The following PCYT1A variants were observed in gnomAD, a reference collection of about 807,000 sequenced individuals.
PCYT1A encodes choline-phosphate cytidylyltransferase A.
A neutral mutation model predicts 43.7 loss-of-function variants in PCYT1A; 25 were observed. The ratio of observed to expected loss-of-function variants is 0.57; its 90% CI spans 0.42 to 0.80. The LOEUF (loss-of-function observed/expected upper bound fraction) is 0.80, where lower values mean the gene tolerates loss of function less well. PCYT1A is among the 30% of genes least tolerant of loss of function. PCYT1A has a pLI of 0.00. For missense variants in PCYT1A, 421 were observed against 474.2 expected (o/e 0.89, Z 1.04); for synonymous variants, 172 against 170.7 (o/e 1.01, Z -0.06).
rs1724293902 is a variant in PCYT1A, at chr3:196,239,693, T to C, written c.751A>G (p.Lys251Glu). 1 of 1,612,244 alleles carries C rather than the reference T, an allele frequency of 6.2e-7. No individual in the cohort carries two copies. Among genetic ancestry groups the C allele is most frequent in the Non-Finnish European group, 8.5e-7 (1 of 1,178,364 alleles). ...HLQERVDKVK[K>E]KVKDVEEKSK... The stretch of plus-strand genomic sequence containing the variant: ...TTTTCCTCCACATCTTTCACTTTCT[T>C]CTTTACTTTGTCAACCCTCTCCTGC... Residue 251 changes from lysine to glutamate, a missense_variant, in exon 8 of 9, where the codon AAG (lysine) becomes GAG (glutamate). Lys to Glu is a moderately conservative substitution (Grantham distance 56, BLOSUM62 1). Transcript: ENST00000431016.
chr3:196,268,874 TG>T lies in PCYT1A; in HGVS notation c.117+1540del, dbSNP rs1378665209. ...ATGATTAAATAAAGGAAGATTATTC[TG>T]GTTTATCTGGGTATACCGAACGTAA... On this transcript the variant is annotated intron_variant, in intron 2 of 8. Transcript: ENST00000431016. This position sits in a 1 kb window ranked among gnomAD's most constrained non-coding sequence, Gnocchi z 4.4. 2.0e-5 allele frequency among the ~76,000 whole-genome samples: 3 copies of T among 152,226 alleles called. No homozygotes were observed. The highest frequency in any genetic ancestry group is 4.4e-5 in the Non-Finnish European group (3 of 68,036).
rs1560167248 is a variant in PCYT1A at position 196,252,073 on chromosome 3, T to TGAGTACAGCGCACCCCGCCACGCCCCGCA, written c.218-3751_218-3750insTGCGGGGCGTGGCGGGGTGCGCTGTACTC. ...TACAGCGCACACCACCACGCCCCGC[T>TGAGTACAGCGCACCCCGCCACGCCCCGCA]GACTACAGCGCACCCCGCCACGCCC... On this transcript the variant is annotated intron_variant, in intron 3 of 8. Coordinates refer to ENST00000431016, the MANE Select transcript of PCYT1A (RefSeq NM_001312673.2). The surrounding 1 kb of genome is among the most constrained non-coding windows in gnomAD (Gnocchi z 4.0). Among the ~76,000 whole-genome samples the TGAGTACAGCGCACCCCGCCACGCCCCGCA allele has an allele frequency of 6.7e-6, 1 of 149,308 alleles. No homozygotes were observed. The highest frequency in any genetic ancestry group is 2.2e-4 in the East Asian group (1 of 4,572).
Position 196,238,832 on chromosome 3 carries a change from G to A in PCYT1A, c.960C>T (p.Pro320=), listed in dbSNP as rs755592504. ...MLQAISPKQS[P]SSSPTRERSP... ...AGCGCTCGCGAGTAGGGCTGCTGCT[G>A]GGGCTCTGCTTCGGGCTGATGGCCT... Residue 320 remains proline, a synonymous_variant, in exon 9 of 9, where the codon CCC becomes CCT. Coordinates refer to ENST00000431016, the MANE Select transcript of PCYT1A (RefSeq NM_001312673.2). The A allele has an allele frequency of 9.6e-6, 15 of 1,565,518 alleles. No individual in the cohort carries two copies. The highest frequency in any genetic ancestry group is 2.8e-5 in the African/African-American group (2 of 72,506).
In PCYT1A at chr3:196,273,057, C is replaced by G. The variant is rs1725484224; in HGVS notation, c.-10-2516G>C. On this transcript the variant is annotated intron_variant, in intron 1 of 8. Coordinates refer to ENST00000431016, the MANE Select transcript of PCYT1A (RefSeq NM_001312673.2). This position sits in a 1 kb window ranked among gnomAD's most constrained non-coding sequence, Gnocchi z 4.1. ...ACAGGGTCCGGCCACTGCGCACAGC[C>G]AGGCACGCCAGCTGCCAGGGGGTGA... Among the ~76,000 whole-genome samples, 1 of 152,240 alleles carries G rather than the reference C, an allele frequency of 6.6e-6. No individual in the cohort carries two copies. The highest frequency in any genetic ancestry group is 1.5e-5 in the Non-Finnish European group (1 of 68,046).
At chr3:196,272,188 C>T (rs1449674310) in intron 1 of PCYT1A, among the ~76,000 whole-genome samples, 4 of 110,106 alleles carry the variant, frequency 3.6e-5, no homozygotes, top group African/African-American at 7.4e-5. Context: ...TCCTTCTTTC[C>T]TTTTTTTTTT....
intron 1 of PCYT1A, among the ~76,000 whole-genome samples, chr3:196,278,057 C>T (rs1035472955): frequency 6.6e-6 from 1 of 152,180 alleles, no homozygotes; most frequent in Non-Finnish European, 1.5e-5. Context: ...CAGTCTCCCT[C>T]ATGTTCCAAT....
At position 196,247,481 on chromosome 3, in the gene PCYT1A, G is replaced by A; in HGVS notation, c.372C>T (p.Phe124=). The A allele has an allele frequency of 6.2e-7, 1 of 1,614,124 alleles. No homozygotes were observed. The highest frequency in any genetic ancestry group is 8.5e-7 in the Non-Finnish European group (1 of 1,179,984). Residue 124 remains phenylalanine, a synonymous_variant, in exon 5 of 9, where the codon TTC becomes TTT. Coordinates refer to ENST00000431016, the MANE Select transcript of PCYT1A (RefSeq NM_001312673.2). This position sits in a 1 kb window ranked among gnomAD's most constrained non-coding sequence, Gnocchi z 4.8. ...AGCGCTCATTCTCGTTCATCACCGT[G>A]AAGCCTTTGAAGTTGTGTGTGAGCT... ...SDELTHNFKG[F]TVMNENERYD... is the part of the protein sequence containing the mutation.
chr3:196,241,664 A>C lies in PCYT1A; in HGVS notation c.708+284T>G, dbSNP rs1278699897. On this transcript the variant is annotated intron_variant, in intron 7 of 8. Transcript: ENST00000431016. ...AACCGAAGAAGAGAGAGGAAGTTTAAGAGACACCGTTTTCCATTTATTGAC... is the reference window on the plus strand; with the variant it reads ...AACCGAAGAAGAGAGAGGAAGTTTACGAGACACCGTTTTCCATTTATTGAC... The C allele has an allele frequency of 5.1e-6, 7 of 1,379,088 alleles. No homozygotes were observed. In the East Asian group the frequency reaches 2.3e-4, roughly 45 times the overall value. 85.4% of individuals were successfully genotyped at this position (1,379,088 alleles called of 1,614,324 possible).
At chr3:196,251,151 T>C (rs931058339) in intron 3 of PCYT1A, among the ~76,000 whole-genome samples, 1 of 149,390 alleles carries the variant, frequency 6.7e-6, no homozygotes, top group South Asian at 2.2e-4. Flanking sequence ...AGATACACCA[T>C]GCTGAGGCTG....
chr3:196,281,802 A>G (rs1424013836), intron 1 of PCYT1A, among the ~76,000 whole-genome samples: 1 of 152,128 alleles, frequency 6.6e-6, no homozygotes, highest in Non-Finnish European at 1.5e-5. Flanking sequence ...GGCTTAAGTG[A>G]TCCTCCTGCC....
At chr3:196,244,073 CG>C (rs980891097) in intron 5 of PCYT1A, among the ~76,000 whole-genome samples, 2 of 150,310 alleles carry the variant, frequency 1.3e-5, no homozygotes, top group Non-Finnish European at 3.0e-5. Flanking sequence ...GGCCGCCCAT[CG>C]TCTGAGATGT....
intron 1 of PCYT1A, among the ~76,000 whole-genome samples, chr3:196,271,540 T>C (rs1725431309): frequency 6.6e-6 from 1 of 151,810 alleles, no homozygotes; most frequent in Admixed American, 6.6e-5. Context: ...AATCCTCCCA[T>C]CTGAGCCTCC....
intron 1 of PCYT1A, among the ~76,000 whole-genome samples, chr3:196,283,041 C>T (rs375743298): frequency 6.4e-4 from 97 of 152,198 alleles, no homozygotes; most frequent in African/African-American, 2.3e-3. Flanking sequence ...AGAGAATTCC[C>T]AAAAGAAAGC....
At chr3:196,241,669 C>T (rs953030610) in intron 7 of PCYT1A, 4 of 1,386,846 alleles carry the variant, frequency 2.9e-6, no homozygotes, top group Non-Finnish European at 3.8e-6. Flanking sequence ...GTTTAAGAGA[C>T]ACCGTTTTCC....
At chr3:196,244,366 T>C (rs1462491460) in intron 5 of PCYT1A, among the ~76,000 whole-genome samples, 24 of 126,996 alleles carry the variant, frequency 1.9e-4, no homozygotes, top group South Asian at 5.3e-4. Context: ...GTGAGGAGCG[T>C]CTCTGCCCGG....
chr3:196,266,102 A>G (rs1297785419), intron 2 of PCYT1A, among the ~76,000 whole-genome samples: 1 of 151,880 alleles, frequency 6.6e-6, no homozygotes, highest in Non-Finnish European at 1.5e-5. Flanking sequence ...ATTCTACTCT[A>G]TGCTCACATC....
chr3:196,278,365 T>C (rs993734877), intron 1 of PCYT1A, among the ~76,000 whole-genome samples: 1 of 152,092 alleles, frequency 6.6e-6, no homozygotes, highest in Non-Finnish European at 1.5e-5. Flanking sequence ...CAGTGATGGC[T>C]CTGGAAAAGG....
rs1018909599 is a variant in PCYT1A at position 196,236,211 on chromosome 3, G to A, written c.*2477C>T. ...TATTTAGGAGGTATGGCTCCAATAG[G>A]GAGGGAGGAGGAAAACCACGTTCCG... On this transcript the variant is annotated 3_prime_UTR_variant, in exon 9 of 9. Coordinates refer to ENST00000431016, the MANE Select transcript of PCYT1A (RefSeq NM_001312673.2). 1 of 152,188 alleles carries A rather than the reference G, an allele frequency of 6.6e-6. No individual in the cohort carries two copies. The highest frequency in any genetic ancestry group is 1.5e-5 in the Non-Finnish European group (1 of 68,060). 9.4% of individuals were successfully genotyped at this position (152,188 alleles called of 1,614,324 possible). A position where few individuals can be genotyped will look rare whatever the true frequency, so the allele number is the denominator to read the frequency against.
At chr3:196,265,090 G>C (rs748660191) in intron 2 of PCYT1A, among the ~76,000 whole-genome samples, 4 of 151,602 alleles carry the variant, frequency 2.6e-5, no homozygotes, top group Non-Finnish European at 5.9e-5. Context: ...TTGAGACAGA[G>C]TCTCGCTTTG....
Sources: allele counts gnomAD v4.1 joint callset (sites outside exome capture counted in the v4.1 genomes callset), GRCh38; gene constraint gnomAD v4.1.1; non-coding constraint Gnocchi (gnomAD v3.1); transcripts MANE v1.5; gene names NCBI Gene and HGNC (gene_info 2026-07-23, HGNC 2026-07-21).